The following PSMD12 variants were observed in gnomAD, a reference collection of about 807,000 sequenced individuals.
PSMD12 encodes the protein proteasome 26S subunit, non-ATPase 12.
In PSMD12, 8 loss-of-function variants were observed where a neutral mutation model predicts 62.9. The observed-to-expected ratio is 0.13, with a 90% CI of 0.07 to 0.23. PSMD12 has a LOEUF of 0.23. PSMD12 is among the 10% of genes least tolerant of loss of function. The probability of loss-of-function intolerance (pLI) is 1.00; values close to 1 mark genes in which losing one functional copy is unlikely to be tolerated. For missense variants in PSMD12, 424 were observed against 550.2 expected, an observed-to-expected ratio of 0.77 and a Z score of 2.29; for synonymous variants, 173 against 187.4, an observed-to-expected ratio of 0.92 and a Z score of 0.63.
intron 10 of PSMD12, 53 bp from the exon 11 acceptor site, chr17:67,341,105 A>C: frequency 7.2e-7 from 1 of 1,382,928 alleles, no homozygotes; most frequent in Non-Finnish European, 9.8e-7. Flanking sequence ...ACAGACAATA[A>C]ACAAAACTTC....
chr17:67,356,351 G>A (rs957754138), intron 3 of PSMD12, among the ~76,000 whole-genome samples: 37 of 151,604 alleles, frequency 2.4e-4, no homozygotes, highest in East Asian at 5.8e-4. Flanking sequence ...GAGGTCAGGA[G>A]ATCGAGACCA....
Position 67,340,878 on chromosome 17 carries a change from T to C in PSMD12, c.1336A>G (p.Ile446Val). 6.3e-7 allele frequency: 1 copy of C among 1,589,544 alleles called. No individual in the cohort carries two copies. Among genetic ancestry groups the C allele is most frequent in the Non-Finnish European group, 8.5e-7 (1 of 1,172,078 alleles). Residue 446 changes from isoleucine to valine, a missense_variant, in exon 11 of 11, where the codon ATA becomes GTA. Transcript: ENST00000356126. ...TTATGTATCATCTCCTCTTTGGCTA[T>C]GAGATGCGTAGTTTTGTTAACCAGA... ...MSLVNKTTHLIAKEEMIHNLQ is the reference protein window; with the variant it reads ...MSLVNKTTHLVAKEEMIHNLQ
chr17:67,363,383 G>A (rs539860658), intron 1 of PSMD12, among the ~76,000 whole-genome samples: 17 of 152,188 alleles, frequency 1.1e-4, no homozygotes, highest in African/African-American at 4.1e-4. Context: ...GGCCTCAAGT[G>A]ATCTTTCCAC....
intron 7 of PSMD12, among the ~76,000 whole-genome samples, chr17:67,346,528 G>A (rs1247173291): frequency 6.6e-6 from 1 of 152,136 alleles, no homozygotes; most frequent in Non-Finnish European, 1.5e-5. Context: ...CTGTGCCACT[G>A]CACTCCAGCC....
intron 3 of PSMD12, among the ~76,000 whole-genome samples, chr17:67,356,583 A>AAAAAAAAAAG: frequency 1.4e-5 from 2 of 147,098 alleles, no homozygotes; most frequent in African/African-American, 5.0e-5. Context: ...AAAAAAAAAA[A>AAAAAAAAAAG]AAAGAAAATG....
At chr17:67,345,647 A>G (rs2041957878) in intron 8 of PSMD12, 98 bp downstream of exon 8, 1 of 969,158 alleles carries the variant, frequency 1.0e-6, no homozygotes, top group East Asian at 2.6e-5. Flanking sequence ...CATCTCAAAA[A>G]AAGAAGTATA....
rs939599583 is a variant in PSMD12, at chr17:67,338,961, G to C, written c.*1882C>G. 1 of 152,190 alleles carries C rather than the reference G, an allele frequency of 6.6e-6. No homozygotes were observed. The highest frequency in any genetic ancestry group is 6.5e-5 in the Admixed American group (1 of 15,282). The allele number at this position is 152,190 out of a possible 1,614,324, so 9.4% of individuals were successfully genotyped here. A position where few individuals can be genotyped will look rare whatever the true frequency, so the allele number is the denominator to read the frequency against. ...CCCACAGGTAATGAGTCTCTAGAAA[G>C]ATGAAGTTATTGAGAAGCTAGTTTC... On this transcript the variant is annotated 3_prime_UTR_variant, in exon 11 of 11. Transcript: ENST00000356126.
chr17:67,356,420 T>A, intron 3 of PSMD12, among the ~76,000 whole-genome samples: 1 of 149,444 alleles, frequency 6.7e-6, no homozygotes, highest in East Asian at 2.0e-4. Context: ...TAGCCGGGCG[T>A]GGTAGCGGGC....
chr17:67,350,868 A>G (rs1193754418), intron 3 of PSMD12, among the ~76,000 whole-genome samples: 2 of 152,196 alleles, frequency 1.3e-5, no homozygotes, highest in Non-Finnish European at 2.9e-5. Context: ...GTCACAAATC[A>G]GCAAACATTT....
chr17:67,340,789 C>T lies in PSMD12; in HGVS notation c.*54G>A. The T allele has an allele frequency of 7.2e-7, 1 of 1,387,230 alleles. No individual in the cohort carries two copies. The highest frequency in any genetic ancestry group is 9.8e-7 in the Non-Finnish European group (1 of 1,023,092). 85.9% of individuals were successfully genotyped at this position (1,387,230 alleles called of 1,614,324 possible). On this transcript the variant is annotated 3_prime_UTR_variant, in exon 11 of 11. Coordinates refer to ENST00000356126, the MANE Select transcript of PSMD12 (RefSeq NM_002816.5). ...AACCCCAACATATACACCATTATAA[C>T]AGTCTTTTTTTAATGACTTCCAATT...
intron 9 of PSMD12, 103 bp downstream of exon 9, chr17:67,344,503 A>T: frequency 9.4e-7 from 1 of 1,065,132 alleles, no homozygotes; most frequent in South Asian, 1.9e-5. Context: ...ATCAAATGTG[A>T]CAAATGAAAT....
intron 1 of PSMD12, among the ~76,000 whole-genome samples, chr17:67,365,983 G>A (rs924906217): frequency 1.3e-5 from 2 of 151,924 alleles, no homozygotes; most frequent in Admixed American, 1.3e-4. Flanking sequence ...CCCTTCTCCT[G>A]GCCAAAGACC....
intron 9 of PSMD12, among the ~76,000 whole-genome samples, chr17:67,343,746 C>T (rs1284579859): frequency 6.6e-6 from 1 of 152,140 alleles, no homozygotes; most frequent in Non-Finnish European, 1.5e-5. Context: ...CTCTGTCACC[C>T]AGGCTGGAGT....
chr17:67,347,205 G>A lies in PSMD12; in HGVS notation c.706C>T (p.His236Tyr). 6.2e-7 allele frequency: 1 copy of A among 1,613,594 alleles called. No individual in the cohort carries two copies. Among genetic ancestry groups the A allele is most frequent in the South Asian group, 1.1e-5 (1 of 91,064 alleles). Residue 236 changes from histidine (H) to tyrosine (Y), a missense_variant, in exon 7 of 11, where the codon CAT becomes TAT. By Grantham distance (83) the His-to-Tyr change is moderately conservative (BLOSUM62 2). Coordinates refer to ENST00000356126, the MANE Select transcript of PSMD12 (RefSeq NM_002816.5). ...YYNLMIQLDQ[H>Y]EGSYLSICKH... Reference sequence around the variant, plus strand: ...CAAATAGACAAATAGGATCCCTCATGTTGATCCAGCTGAATCATTAAATTA... The same window carrying A: ...CAAATAGACAAATAGGATCCCTCATATTGATCCAGCTGAATCATTAAATTA...
chr17:67,345,711 T>A, intron 8 of PSMD12, 34 bp downstream of exon 8: 3 of 1,533,614 alleles, frequency 2.0e-6, no homozygotes, highest in African/African-American at 2.7e-5. Context: ...GTGTTTCGAC[T>A]GAGATATATC....
At chr17:67,349,665 A>G (rs752807326) in intron 4 of PSMD12, among the ~76,000 whole-genome samples, 7 of 152,350 alleles carry the variant, frequency 4.6e-5, no homozygotes, top group East Asian at 3.9e-4. Context: ...ACCTTCTTTA[A>G]AAATATCTAA....
chr17:67,344,912 G>A, intron 8 of PSMD12, 132 bp from the exon 9 acceptor site: 1 of 729,606 alleles, frequency 1.4e-6, no homozygotes, highest in East Asian at 2.8e-5. Context: ...GACACCATAT[G>A]ATTATTGTGT....
Position 67,340,908 on chromosome 17 carries a change from T to G in PSMD12, c.1306A>C (p.Met436Leu). 6.3e-7 allele frequency: 1 copy of G among 1,595,910 alleles called. No individual in the cohort carries two copies. Among genetic ancestry groups the G allele is most frequent in the Non-Finnish European group, 8.5e-7 (1 of 1,174,774 alleles). ...TGCGTAGTTTTGTTAACCAGAGACA[T>G]TAATGAGTTCAGTTTCTGAGACCAG... ...NDWSQKLNSL[M>L]SLVNKTTHLI... Residue 436 changes from methionine to leucine, a missense_variant, in exon 11 of 11, where the codon ATG becomes CTG. Physicochemically the swap from Met to Leu is conservative, Grantham distance 15. Transcript: ENST00000356126.
At chr17:67,345,257 T>C (rs1265747341) in intron 8 of PSMD12, among the ~76,000 whole-genome samples, 1 of 152,194 alleles carries the variant, frequency 6.6e-6, no homozygotes, top group Non-Finnish European at 1.5e-5. Context: ...TATAATCTCA[T>C]TTACTGCTGA....
Sources: gnomAD v4.1 joint callset for allele counts (sites outside exome capture counted in the v4.1 genomes callset) on GRCh38, gnomAD v4.1.1 for gene constraint, MANE v1.5 for transcripts, NCBI Gene and HGNC (gene_info 2026-07-23, HGNC 2026-07-21) for gene names.